The following RPL38 variants were observed in gnomAD, a reference collection of about 807,000 sequenced individuals.
The protein encoded by RPL38 is large ribosomal subunit protein eL38.
Under a neutral mutation model 12.8 loss-of-function variants are expected in RPL38, and 2 were observed. That is an observed-to-expected ratio of 0.16 (90% CI 0.06 to 0.49). RPL38 has a LOEUF of 0.49. Among genes scored for constraint, RPL38 ranks in the 20% least tolerant of loss-of-function variants. The pLI is 0.96. For missense variants in RPL38, 52 were observed against 79.8 expected (o/e 0.65, Z 1.33); for synonymous variants, 42 against 30.1 (o/e 1.39, Z -1.29).
chr17:74,209,411 C>A (rs2050144517), intron 4 of RPL38, 102 bp downstream of exon 4: 6 of 1,373,478 alleles, frequency 4.4e-6, no homozygotes, highest in South Asian at 2.7e-5. Context: ...ATTTCAGAGC[C>A]CATTTTATGG....
chr17:74,204,242 C>T (rs778901159), intron 3 of RPL38, 52 bp downstream of exon 3: 4 of 1,538,816 alleles, frequency 2.6e-6, no homozygotes, highest in East Asian at 4.5e-5. Context: ...CCTGGCACCG[C>T]TCCGGGAGCG....
intron 3 of RPL38, among the ~76,000 whole-genome samples, chr17:74,208,075 C>A (rs1156749534): frequency 1.3e-5 from 2 of 152,174 alleles, no homozygotes; most frequent in Non-Finnish European, 2.9e-5. Context: ...GTGCGTCTGC[C>A]AGGTTAAGTG....
intron 3 of RPL38, among the ~76,000 whole-genome samples, chr17:74,206,759 C>G (rs940826302): frequency 7.6e-6 from 1 of 132,020 alleles, no homozygotes; most frequent in Admixed American, 8.4e-5. Flanking sequence ...GTTGCCCAGA[C>G]TGGAGAGCAG....
chr17:74,209,046 T>TA, intron 3 of RPL38, 141 bp from the exon 4 acceptor site: 1 of 834,684 alleles, frequency 1.2e-6, no homozygotes, highest in Non-Finnish European at 2.0e-6. Context: ...GTAATAGTGT[T>TA]TTCTGTTTGC....
At chr17:74,206,694 T>C (rs563089383) in intron 3 of RPL38, among the ~76,000 whole-genome samples, 7 of 149,686 alleles carry the variant, frequency 4.7e-5, no homozygotes, top group Non-Finnish European at 8.8e-5. Context: ...AGAATTGCCT[T>C]CTGTTTTTTC....
intron 2 of RPL38, 54 bp from the exon 3 acceptor site, chr17:74,204,076 C>A (rs577939419): frequency 6.2e-7 from 1 of 1,610,636 alleles, no homozygotes; most frequent in African/African-American, 1.3e-5. Flanking sequence ...ACTGGGCCAT[C>A]GCCGGGAGAC....
chr17:74,209,269 C>T lies in RPL38; in HGVS notation c.147C>T (p.Asp49=), dbSNP rs1447113613. ...ACCTTTACACCCTGGTCATCACTGA[C>T]AAAGAGAAGGCAGAGAAACTGAAGC... is the stretch of plus-strand genomic sequence containing the variant. The part of the protein sequence containing the change: ...SRYLYTLVIT[D]KEKAEKLKQS... The change falls in exon 4 of 5, where the codon GAC becomes GAT. Residue 49 remains aspartate, a synonymous_variant. Transcript: ENST00000311111. 7 of 1,614,092 alleles carry T rather than the reference C, an allele frequency of 4.3e-6. No individual in the cohort carries two copies. Among genetic ancestry groups the T allele is most frequent in the Non-Finnish European group, 5.9e-6 (7 of 1,180,018 alleles).
intron 4 of RPL38, 129 bp from the exon 5 acceptor site, chr17:74,209,675 C>T (rs2050146948): frequency 9.9e-6 from 8 of 809,386 alleles, no homozygotes; most frequent in South Asian, 4.4e-5. Flanking sequence ...ATATTTTAAC[C>T]GAAACTTCGC....
chr17:74,209,974 G>T lies in RPL38; in HGVS notation c.*145G>T. The T allele has an allele frequency of 4.4e-5, 21 of 473,856 alleles. No homozygotes were observed. Among genetic ancestry groups the T allele is most frequent in the Non-Finnish European group, 5.1e-5 (14 of 272,502 alleles). 29.4% of individuals were successfully genotyped at this position (473,856 alleles called of 1,614,324 possible). On this transcript the variant is annotated 3_prime_UTR_variant, in exon 5 of 5. Coordinates refer to ENST00000311111, the MANE Select transcript of RPL38 (RefSeq NM_000999.4). The stretch of plus-strand genomic sequence containing the variant: ...ACGCGGGTTCTGTTGCTGCCTTCCT[G>T]TGTCTTTTTTTTTTTTTTTTTTTCT...
chr17:74,209,149 T>A, intron 3 of RPL38, 38 bp from the exon 4 acceptor site: 1 of 1,610,224 alleles, frequency 6.2e-7, no homozygotes, highest in Non-Finnish European at 8.5e-7. Flanking sequence ...ATCTGTTTTC[T>A]GTGATACAAT....
Position 74,209,300 on chromosome 17 carries a change from C to G in RPL38, c.178C>G (p.Leu60Val). 6.2e-7 allele frequency: 1 copy of G among 1,614,042 alleles called. No homozygotes were observed. Among genetic ancestry groups the G allele is most frequent in the Non-Finnish European group, 8.5e-7 (1 of 1,180,008 alleles). Residue 60 changes from leucine to valine, a missense_variant, in exon 4 of 5, where the codon CTG (leucine) becomes GTG (valine). Transcript: ENST00000311111. ...GAAGGCAGAGAAACTGAAGCAGTCC[C>G]TGCCCCCCGGTGAGTGAGCCTGAAG... ...KEKAEKLKQSLPPGLAVKELK is the reference protein window; with the variant it reads ...KEKAEKLKQSVPPGLAVKELK
intron 3 of RPL38, among the ~76,000 whole-genome samples, chr17:74,206,915 A>G (rs2050120476): frequency 6.7e-6 from 1 of 149,098 alleles, no homozygotes; most frequent in African/African-American, 2.5e-5. Flanking sequence ...ACGGGGTTTC[A>G]CCGAGTGAGC....
intron 3 of RPL38, among the ~76,000 whole-genome samples, chr17:74,207,521 T>C (rs1300030828): frequency 6.6e-6 from 1 of 151,194 alleles, no homozygotes; most frequent in Admixed American, 6.6e-5. Context: ...TGAGTAAACT[T>C]TTTTTTTATT....
chr17:74,206,223 T>C (rs772262602), intron 3 of RPL38: 21 of 152,282 alleles, frequency 1.4e-4, no homozygotes, highest in Non-Finnish European at 2.6e-4. Context: ...CCCAGCACTT[T>C]GGGAGACTGA....
rs370255977 is a variant in RPL38 at position 74,204,706 on chromosome 17, AT to A, written c.64+527del. On this transcript the variant is annotated intron_variant, in intron 3 of 4. Transcript: ENST00000311111. ...CTAATCCAGAAAAATATTTAAAAAA[AT>A]TTTTTTTTTTCTTTGAGACAGTCTG... The A allele has an allele frequency of 3.4e-3, 514 of 150,660 alleles. 3 individuals are homozygous for A. Among genetic ancestry groups the A allele is most frequent in the African/African-American group, 0.01 (429 of 41,048 alleles). 9.3% of individuals were successfully genotyped at this position (150,660 alleles called of 1,614,324 possible).
intron 3 of RPL38, 122 bp downstream of exon 3, chr17:74,204,312 T>C: frequency 1.3e-6 from 1 of 792,526 alleles, no homozygotes; most frequent in South Asian, 1.6e-5. Context: ...CCTGGCCCTC[T>C]GGGAGCAGTG....
In RPL38 at chr17:74,203,712, T is replaced by G. The variant is rs1398155747; in HGVS notation, c.-72T>G. On this transcript the variant is annotated 5_prime_UTR_variant, in exon 1 of 5. Transcript: ENST00000311111. ...CCTTTTCCCCGGTTGCTGCTTGCTG[T>G]GAGTGTCTCTAGGGTGATACGTGGG... 3 of 519,784 alleles carry G rather than the reference T, an allele frequency of 5.8e-6. No individual in the cohort carries two copies. Among genetic ancestry groups the G allele is most frequent in the Non-Finnish European group, 1.0e-5 (3 of 293,374 alleles). The allele number at this position is 519,784 out of a possible 1,614,324, so 32.2% of individuals were successfully genotyped here.
chr17:74,209,075 A>AGG, intron 3 of RPL38, 112 bp from the exon 4 acceptor site: 2 of 1,072,246 alleles, frequency 1.9e-6, no homozygotes, highest in Non-Finnish European at 2.8e-6. Flanking sequence ...ATGGTACTGG[A>AGG]GGTGGGTGCT....
intron 3 of RPL38, among the ~76,000 whole-genome samples, chr17:74,208,502 A>AC (rs2050135256): frequency 2.0e-5 from 3 of 152,206 alleles, no homozygotes; most frequent in African/African-American, 7.2e-5. Context: ...GGCTGGAGGC[A>AC]TCCTGAAGAA....
Sources: allele counts gnomAD v4.1 joint callset (sites outside exome capture counted in the v4.1 genomes callset), GRCh38; gene constraint gnomAD v4.1.1; transcripts MANE v1.5; gene names NCBI Gene and HGNC (gene_info 2026-07-23, HGNC 2026-07-21).